Variants in FASN observed in about 807,000 individuals in gnomAD.
The protein encoded by FASN is 3-hydroxyacyl-[acyl-carrier-protein] dehydratase.
Under a neutral mutation model 250.0 loss-of-function variants are expected in FASN, and 50 were observed. The observed-to-expected ratio is 0.20, with a 90% CI of 0.16 to 0.25. The LOEUF is 0.25. Among genes scored for constraint, FASN ranks in the 10% least tolerant of loss-of-function variants. The pLI, the probability that FASN is intolerant of heterozygous loss-of-function variation, is 1.00. For missense variants in FASN, 3,031 were observed against 3,498.5 expected (o/e 0.87, Z 3.37); for synonymous variants, 1,909 against 1,584.0 (o/e 1.21, Z -4.87).
At chr17:82,095,903 C>T (rs1226209794) in intron 2 of FASN, among the ~76,000 whole-genome samples, 1 of 152,030 alleles carries the variant, frequency 6.6e-6, no homozygotes, top group African/African-American at 2.4e-5. Context: ...TCAGGACAGA[C>T]ACAGGCAGGG....
chr17:82,079,254 G>A lies in FASN; in HGVS notation c.7425C>T (p.His2475=), dbSNP rs1140622. 5.1e-5 allele frequency: 83 copies of A among 1,613,028 alleles called. No individual in the cohort carries two copies. Among genetic ancestry groups the A allele is most frequent in the African/African-American group, 9.3e-5 (7 of 75,046 alleles). Residue 2475 remains histidine, a synonymous_variant, in exon 43 of 43, where the codon CAC becomes CAT. Coordinates refer to ENST00000306749, the MANE Select transcript of FASN (RefSeq NM_004104.5). ...GCGTGCGGTGGTCACCCTCGATGAC[G>A]TGGACGGATACTTTCCCGTCGCATA... The part of the protein sequence containing the change: ...SQVCDGKVSV[H]VIEGDHRTLL...
intron 35 of FASN, 68 bp from the exon 36 acceptor site, chr17:82,082,228 A>C (rs2144783041): frequency 1.2e-6 from 2 of 1,602,012 alleles, no homozygotes; most frequent in Middle Eastern, 3.3e-4. Context: ...CATCCCCAGG[A>C]AACGCCAGAG....
chr17:82,091,985 C>G (rs981536721), intron 8 of FASN, among the ~76,000 whole-genome samples: 1 of 152,224 alleles, frequency 6.6e-6, no homozygotes, highest in African/African-American at 2.4e-5. Context: ...CCAGATGTTG[C>G]ATCTCAGAGG....
chr17:82,089,327 C>A lies in FASN; in HGVS notation c.2023G>T (p.Val675Leu). 1 of 1,612,848 alleles carries A rather than the reference C, an allele frequency of 6.2e-7. No individual in the cohort carries two copies. Among genetic ancestry groups the A allele is most frequent in the Non-Finnish European group, 8.5e-7 (1 of 1,180,004 alleles). ...LRKEGVFAKE[V>L]RTGGMAFHSY... ...TGGAAGGCCATACCGCCGGTCCGCA[C>A]CTCCTTGGCAAACACACCCTCCTTC... The change falls in exon 13 of 43, where the codon GTG becomes TTG. Residue 675 changes from valine to leucine, a missense_variant. Physicochemically the swap from Val to Leu is conservative, Grantham distance 32. Coordinates refer to ENST00000306749, the MANE Select transcript of FASN (RefSeq NM_004104.5).
At chr17:82,088,367 C>A (rs963337413) in intron 16 of FASN, 23 bp downstream of exon 16, 2 of 1,611,322 alleles carry the variant, frequency 1.2e-6, no homozygotes, top group Admixed American at 1.7e-5. Context: ...AAGAGTCTGC[C>A]CACCCGCCGG....
chr17:82,082,494 CTTT>C (rs757103084), intron 34 of FASN, 30 bp downstream of exon 34: 73 of 1,609,996 alleles, frequency 4.5e-5, no homozygotes, highest in Non-Finnish European at 6.1e-5. Flanking sequence ...GGTCTTGGGG[CTTT>C]TGAGGGCCCC....
rs750385551 is a variant in FASN at position 82,088,251 on chromosome 17, C to T, written c.2650G>A (p.Val884Ile). 1.1e-4 allele frequency: 181 copies of T among 1,607,064 alleles called. 2 individuals are homozygous for T. Among genetic ancestry groups the T allele is most frequent in the African/African-American group, 1.9e-4 (14 of 74,918 alleles). The part of the protein sequence containing the change: ...YLVDHTLDGR[V>I]LFPATGYLSI... ...AGGTAGCCAGTGGCGGGGAAGAGGA[C>T]GCGACCGTCGAGGGTGTGGTCCACC... Residue 884 changes from valine to isoleucine, a missense_variant, in exon 17 of 43, where the codon GTC (valine) becomes ATC (isoleucine). Physicochemically the swap from Val to Ile is conservative, Grantham distance 29. Transcript: ENST00000306749.
intron 10 of FASN, 38 bp downstream of exon 10, chr17:82,090,844 G>A: frequency 6.4e-7 from 1 of 1,552,592 alleles, no homozygotes; most frequent in South Asian, 1.2e-5. Flanking sequence ...AGAGCCCTGG[G>A]GCTGGCGTTG....
chr17:82,081,471 T>C, intron 37 of FASN, 119 bp from the exon 38 acceptor site: 2 of 1,579,316 alleles, frequency 1.3e-6, no homozygotes, highest in South Asian at 1.1e-5. Flanking sequence ...ACCACCACAG[T>C]GACACCTGCG....
rs765283020 is a variant in FASN, at chr17:82,088,741, C to CGGGCTGG, written c.2420+13_2420+19dup. On this transcript the variant is annotated intron_variant, in intron 15 of 42. Coordinates refer to ENST00000306749, the MANE Select transcript of FASN (RefSeq NM_004104.5). The stretch of plus-strand genomic sequence containing the variant: ...GTCCCCGACTCCGGGAGACGAGACC[C>CGGGCTGG]GGGCTGGGAAGGGACCCACCCTGAG... 1 of 1,603,374 alleles carries CGGGCTGG rather than the reference C, an allele frequency of 6.2e-7. No homozygotes were observed. Among genetic ancestry groups the CGGGCTGG allele is most frequent in the East Asian group, 2.2e-5 (1 of 44,814 alleles).
rs148696950 is a variant in FASN at position 82,087,745 on chromosome 17, G to A, written c.2983C>T (p.Arg995Cys). The stretch of plus-strand genomic sequence containing the variant: ...GGGCCGTAGTCGTAGCCACGCAGAC[G>A]CAGCTCCTTGTAAACTTCAGCCTGG... ...LAQAEVYKEL[R>C]LRGYDYGPHF... is the part of the protein sequence containing the mutation. The change falls in exon 19 of 43, where the codon CGT becomes TGT. Residue 995 changes from arginine to cysteine, a missense_variant. Physicochemically the swap from Arg to Cys is radical, Grantham distance 180. Transcript: ENST00000306749. The A allele has an allele frequency of 5.0e-6, 8 of 1,612,372 alleles. No homozygotes were observed. The highest frequency in any genetic ancestry group is 4.0e-5 in the African/African-American group (3 of 74,918).
intron 22 of FASN, 90 bp from the exon 23 acceptor site, chr17:82,085,961 G>C: frequency 7.1e-7 from 1 of 1,400,476 alleles, no homozygotes; most frequent in Non-Finnish European, 9.4e-7. Flanking sequence ...CCTCAGTCTG[G>C]CAGAAAGGCT....
Position 82,084,676 on chromosome 17 carries a change from G to T in FASN, c.4605C>A (p.Thr1535=). The change falls in exon 27 of 43, where the codon ACC becomes ACA. Residue 1535 remains threonine (T), a synonymous_variant. Transcript: ENST00000306749. ...EEPTAHAFVS[T]LTRGDLSSIR... ...TGGAGGACAGGTCCCCCCGGGTGAGGGTGCTCACAAAGGCATGTGCCGTCG... is the reference window on the plus strand; with the variant it reads ...TGGAGGACAGGTCCCCCCGGGTGAGTGTGCTCACAAAGGCATGTGCCGTCG... 6.3e-7 allele frequency: 1 copy of T among 1,583,370 alleles called. No individual in the cohort carries two copies. The highest frequency in any genetic ancestry group is 8.6e-7 in the Non-Finnish European group (1 of 1,165,420).
At position 82,081,150 on chromosome 17, in the gene FASN, C is replaced by A; in HGVS notation, c.6595+14G>T. 6.4e-7 allele frequency: 1 copy of A among 1,568,594 alleles called. No individual in the cohort carries two copies. The highest frequency in any genetic ancestry group is 8.6e-7 in the Non-Finnish European group (1 of 1,158,576). On this transcript the variant is annotated intron_variant, in intron 38 of 42. Coordinates refer to ENST00000306749, the MANE Select transcript of FASN (RefSeq NM_004104.5). ...GCCCGGGGACCCCACTCCCGCCTGG[C>A]CACCCACACGCACCGCTGGCCTCAT...
rs374590250 is a variant in FASN at position 82,083,909 on chromosome 17, C to T, written c.5099-18G>A. ...AGCCGACCCTGGTGAAGAGAGGAAG[C>T]GCGGCTGGTGAGCCAGGGCGGCGGG... On this transcript the variant is annotated intron_variant, in intron 29 of 42. Coordinates refer to ENST00000306749, the MANE Select transcript of FASN (RefSeq NM_004104.5). 3.0e-5 allele frequency: 47 copies of T among 1,556,540 alleles called. No individual in the cohort carries two copies. In the Middle Eastern group the frequency reaches 5.0e-4, roughly 17 times the overall value.
In FASN at chr17:82,093,310, G is replaced by C; in HGVS notation, c.564C>G (p.Ile188Met). 1 of 1,599,270 alleles carries C rather than the reference G, an allele frequency of 6.3e-7. No homozygotes were observed. Among genetic ancestry groups the C allele is most frequent in the Admixed American group, 1.7e-5 (1 of 57,740 alleles). Reference protein sequence around the residue: ...GQCPAAIVGGINVLLKPNTSV... With the variant: ...GQCPAAIVGGMNVLLKPNTSV... ...AGGTGTTGGGCTTCAGCAGGACATTGATGCCCCCCACGATGGCGGCAGGGC... is the reference window on the plus strand; with the variant it reads ...AGGTGTTGGGCTTCAGCAGGACATTCATGCCCCCCACGATGGCGGCAGGGC... The change falls in exon 5 of 43, where the codon ATC (isoleucine) becomes ATG (methionine). Residue 188 changes from isoleucine to methionine, a missense_variant. Ile to Met is a conservative substitution (Grantham distance 10, BLOSUM62 1). Coordinates refer to ENST00000306749, the MANE Select transcript of FASN (RefSeq NM_004104.5).
At position 82,084,005 on chromosome 17, in the gene FASN, T is replaced by G. The variant is rs2034040578; in HGVS notation, c.5068A>C (p.Ser1690Arg). The G allele has an allele frequency of 6.5e-7, 1 of 1,538,948 alleles. No individual in the cohort carries two copies. Among genetic ancestry groups the G allele is most frequent in the East Asian group, 2.4e-5 (1 of 40,824 alleles). ...VGQAAIAIAL[S>R]LGCRVFTTVG... is the part of the protein sequence containing the mutation. Reference sequence around the variant, plus strand: ...GTGGTGAAGACGCGGCAGCCCAGACTGAGGGCGATGGCGATGGCGGCCTGG... The same window carrying G: ...GTGGTGAAGACGCGGCAGCCCAGACGGAGGGCGATGGCGATGGCGGCCTGG... Residue 1690 changes from serine to arginine, a missense_variant, in exon 29 of 43, where the codon AGT (serine) becomes CGT (arginine). By Grantham distance (110) the Ser-to-Arg change is moderately radical (BLOSUM62 -1). Transcript: ENST00000306749.
In FASN at chr17:82,080,542, C is replaced by T; in HGVS notation, c.6875G>A (p.Cys2292Tyr). ...GCCCTCGGGCTGCACCTGCCTGATG[C>T]AGTCGATGTAGTAGGCAGCCAGGCT... ...IHSLAAYYID[C>Y]IRQVQPEGPY... The change falls in exon 40 of 43, where the codon TGC (cysteine) becomes TAC (tyrosine). Residue 2292 changes from cysteine to tyrosine, a missense_variant. Physicochemically the swap from Cys to Tyr is radical, Grantham distance 194. Transcript: ENST00000306749. The T allele has an allele frequency of 6.4e-7, 1 of 1,561,188 alleles. No homozygotes were observed. Among genetic ancestry groups the T allele is most frequent in the Non-Finnish European group, 8.7e-7 (1 of 1,153,804 alleles).
chr17:82,084,737 G>C (rs1286293762), intron 26 of FASN, 21 bp from the exon 27 acceptor site: 2 of 1,551,500 alleles, frequency 1.3e-6, no homozygotes, highest in African/African-American at 1.4e-5. Flanking sequence ...AGGGAGGTGG[G>C]GCTGCTGCGG....
Sources: allele counts gnomAD v4.1 joint callset (sites outside exome capture counted in the v4.1 genomes callset), GRCh38; gene constraint gnomAD v4.1.1; transcripts MANE v1.5; gene names NCBI Gene and HGNC (gene_info 2026-07-23, HGNC 2026-07-21).